ITK: variants seen among roughly 807,000 people sequenced by gnomAD.
The protein encoded by ITK is tyrosine-protein kinase ITK/TSK.
In ITK, 45 loss-of-function variants were observed where a neutral mutation model predicts 87.6. The observed-to-expected ratio is 0.51, with a 90% CI of 0.40 to 0.66. ITK has a LOEUF of 0.66. ITK is among the 30% of genes least tolerant of loss of function. The pLI is 0.00. For synonymous variants in ITK, 303 were observed against 273.6 expected, an observed-to-expected ratio of 1.11 and a Z score of -1.06; for missense variants, 605 against 766.3, an observed-to-expected ratio of 0.79 and a Z score of 2.48.
At chr5:157,193,216 A>G (rs1023626310) in intron 1 of ITK, among the ~76,000 whole-genome samples, 4 of 152,160 alleles carry the variant, frequency 2.6e-5, no homozygotes, top group South Asian at 4.1e-4. Context: ...GCGAGACCCT[A>G]TCTCTCTTTG....
At position 157,252,735 on chromosome 5, in the gene ITK, C is replaced by G. The variant is rs78138220; in HGVS notation, c.*57C>G. The G allele has an allele frequency of 9.5e-4, 1,259 of 1,321,840 alleles. 8 individuals are homozygous for G. In the African/African-American group the frequency reaches 0.016, roughly 16 times the overall value. 81.9% of individuals were successfully genotyped at this position (1,321,840 alleles called of 1,614,324 possible). On this transcript the variant is annotated 3_prime_UTR_variant, in exon 17 of 17. Transcript: ENST00000422843. The stretch of plus-strand genomic sequence containing the variant: ...ATCCTGAATGGAGGAAGGATATGTC[C>G]TCATTCCATAGAGCATTAGAAGCTG...
At chr5:157,243,820 A>C (rs773601951) in intron 12 of ITK, 26 bp downstream of exon 12, 2 of 1,607,474 alleles carry the variant, frequency 1.2e-6, no homozygotes, top group South Asian at 1.1e-5. Context: ...AAGGATATGC[A>C]GAAACTCTGG....
intron 11 of ITK, 45 bp downstream of exon 11, chr5:157,241,765 T>C: frequency 6.9e-7 from 1 of 1,451,726 alleles, no homozygotes; most frequent in Non-Finnish European, 9.7e-7. Flanking sequence ...CCTAAAGGTC[T>C]GGGGCAAATT....
intron 13 of ITK, chr5:157,245,229 A>C: frequency 5.4e-6 from 1 of 185,310 alleles, no homozygotes; most frequent in Non-Finnish European, 1.1e-5. Context: ...CATCTAAAAA[A>C]AAAAAAAAAA....
chr5:157,243,584 T>C (rs754620090), intron 11 of ITK, 39 bp from the exon 12 acceptor site: 1 of 1,576,944 alleles, frequency 6.3e-7, no homozygotes, highest in East Asian at 2.2e-5. Context: ...TTATATCTAC[T>C]GCTTGCTGAC....
At position 157,253,385 on chromosome 5, in the gene ITK, C is replaced by T. The variant is rs951819019; in HGVS notation, c.*707C>T. The T allele has an allele frequency of 4.4e-6, 1 of 227,652 alleles. No individual in the cohort carries two copies. The highest frequency in any genetic ancestry group is 2.2e-5 in the African/African-American group (1 of 44,844). 14.1% of individuals were successfully genotyped at this position (227,652 alleles called of 1,614,324 possible). ...TGGGGTGAACAGTTCAGGTCCCATG[C>T]TTGGAGCATTGGGTATCTGATGTCT... On this transcript the variant is annotated 3_prime_UTR_variant, in exon 17 of 17. Coordinates refer to ENST00000422843, the MANE Select transcript of ITK (RefSeq NM_005546.4).
At position 157,228,342 on chromosome 5, in the gene ITK, A is replaced by G. The variant is rs1210243736; in HGVS notation, c.694A>G (p.Asn232Asp). Reference protein sequence around the residue: ...PSSYLVEKSPNNLETYEWYNK... With the variant: ...PSSYLVEKSPDNLETYEWYNK... The stretch of plus-strand genomic sequence containing the variant: ...CAGTTATCTGGTGGAAAAATCTCCA[A>G]ATAATCTGGAAACCTATGAGTAAGA... The change falls in exon 7 of 17, where the codon AAT (asparagine) becomes GAT (aspartate). Residue 232 changes from asparagine (N) to aspartate (D), a missense_variant. By Grantham distance (23) the Asn-to-Asp change is conservative. This residue lies in a region of ITK where 464 missense variants were observed against 578.0 expected (regional missense o/e 0.80). Transcript: ENST00000422843. 6.3e-7 allele frequency: 1 copy of G among 1,598,962 alleles called. No homozygotes were observed. Among genetic ancestry groups the G allele is most frequent in the Non-Finnish European group, 8.6e-7 (1 of 1,166,376 alleles).
intron 15 of ITK, among the ~76,000 whole-genome samples, chr5:157,246,326 AC>A (rs1413417093): frequency 6.6e-6 from 1 of 152,206 alleles, no homozygotes; most frequent in Non-Finnish European, 1.5e-5. Flanking sequence ...TTTGTCCAAC[AC>A]TACATTTCCA....
intron 16 of ITK, among the ~76,000 whole-genome samples, chr5:157,250,116 G>A (rs752013574): frequency 4.6e-5 from 7 of 152,138 alleles, no homozygotes; most frequent in South Asian, 4.1e-4. Flanking sequence ...CAGTCTTTGT[G>A]CTGTAGAGTT....
At chr5:157,182,808 C>A (rs1291218129) in intron 1 of ITK, among the ~76,000 whole-genome samples, 2 of 152,080 alleles carry the variant, frequency 1.3e-5, no homozygotes, top group Admixed American at 1.3e-4. Flanking sequence ...ATTAATAATT[C>A]CTTAGCCCAA....
At chr5:157,241,051 C>G (rs1754885002) in intron 10 of ITK, 1 of 153,208 alleles carries the variant, frequency 6.5e-6, no homozygotes, top group Non-Finnish European at 1.4e-5. Flanking sequence ...AATTCTCCTG[C>G]CTCAGCCTCC....
intron 1 of ITK, among the ~76,000 whole-genome samples, chr5:157,187,782 A>G (rs1264792681): frequency 6.6e-6 from 1 of 151,888 alleles, no homozygotes; most frequent in Non-Finnish European, 1.5e-5. Context: ...TTTTACAGCT[A>G]AAGCCTCCGT....
At chr5:157,233,932 CATATATATATATATATATAT>C (rs201838461) in intron 8 of ITK, among the ~76,000 whole-genome samples, 859 of 21,532 alleles carry the variant, frequency 0.04, 47 homozygotes, top group East Asian at 0.21. Context: ...CTTACTGATA[CATATATATATATATATATAT>C]ATATATATAT....
intron 4 of ITK, among the ~76,000 whole-genome samples, chr5:157,217,615 A>G (rs1350285206): frequency 2.0e-5 from 3 of 152,172 alleles, no homozygotes; most frequent in Non-Finnish European, 4.4e-5. Context: ...AGGGCCCCCG[A>G]ATATGGACTT....
chr5:157,217,422 A>C (rs1754320590), intron 4 of ITK, among the ~76,000 whole-genome samples: 1 of 152,138 alleles, frequency 6.6e-6, no homozygotes. Context: ...CTCCCACCTC[A>C]GCCACCCCCT....
At chr5:157,203,202 C>T (rs528387548) in intron 1 of ITK, among the ~76,000 whole-genome samples, 8 of 152,328 alleles carry the variant, frequency 5.3e-5, no homozygotes, top group South Asian at 2.1e-4. Context: ...AAGTATACTA[C>T]GGGCTCTGTG....
chr5:157,210,174 T>A (rs1754160766), intron 2 of ITK, among the ~76,000 whole-genome samples: 1 of 152,154 alleles, frequency 6.6e-6, no homozygotes, highest in Non-Finnish European at 1.5e-5. Flanking sequence ...TCGACCCGCC[T>A]CGGCCTCCCA....
chr5:157,211,466 T>C, intron 3 of ITK, 98 bp downstream of exon 3: 1 of 1,028,646 alleles, frequency 9.7e-7, no homozygotes, highest in Non-Finnish European at 1.5e-6. Flanking sequence ...GAGCAGCTGA[T>C]GGCTGATTTC....
At chr5:157,233,965 T>TATATATATA (rs1561661212) in intron 8 of ITK, among the ~76,000 whole-genome samples, 20 of 18,800 alleles carry the variant, frequency 1.1e-3, no homozygotes, top group Non-Finnish European at 1.7e-3. Flanking sequence ...ATATATATAT[T>TATATATATA]TTTTTTTTTT....
Sources: gnomAD v4.1 joint callset for allele counts (sites outside exome capture counted in the v4.1 genomes callset) on GRCh38, gnomAD v4.1.1 for gene constraint, gnomAD v4.1.1 regional missense constraint, MANE v1.5 for transcripts, NCBI Gene and HGNC (gene_info 2026-07-23, HGNC 2026-07-21) for gene names.